IDE: variants seen among roughly 807,000 people sequenced by gnomAD.
The protein encoded by IDE is insulin degrading enzyme.
Under a neutral mutation model 133.2 loss-of-function variants are expected in IDE, and 58 were observed. That is an observed-to-expected ratio of 0.44 (90% CI 0.35 to 0.54). The LOEUF is 0.54. Ranked by LOEUF, IDE falls within the 20% of genes least tolerant of loss-of-function variation. The pLI is 0.00. For missense variants in IDE, 981 were observed against 1,234.0 expected (o/e 0.79, Z 3.07); for synonymous variants, 396 against 421.3 (o/e 0.94, Z 0.73).
chr10:92,479,193 T>TCA, intron 15 of IDE, 84 bp downstream of exon 15: 1 of 927,324 alleles, frequency 1.1e-6, no homozygotes, highest in African/African-American at 1.7e-5. Flanking sequence ...GAAATTAAAC[T>TCA]CACACCCTCA....
intron 1 of IDE, among the ~76,000 whole-genome samples, chr10:92,561,522 C>T (rs1281331049): frequency 1.3e-5 from 2 of 150,202 alleles, no homozygotes; most frequent in African/African-American, 4.9e-5. Flanking sequence ...GAGGCCGAGG[C>T]GGGCGGATCA....
At chr10:92,468,403 C>A (rs370085390) in intron 19 of IDE, among the ~76,000 whole-genome samples, 4 of 152,050 alleles carry the variant, frequency 2.6e-5, no homozygotes, top group African/African-American at 9.7e-5. Flanking sequence ...ACATTGTAAA[C>A]CCCAATATAT....
intron 1 of IDE, among the ~76,000 whole-genome samples, chr10:92,556,910 G>C (rs889959257): frequency 7.1e-6 from 1 of 140,038 alleles, no homozygotes; most frequent in Non-Finnish European, 1.5e-5. Flanking sequence ...GCTACAGAGT[G>C]AGACTCCGCC....
In IDE at chr10:92,550,604, T is replaced by C. The variant is rs571069140; in HGVS notation, c.99-13054A>G. Reference sequence around the variant, plus strand: ...AGGCGGAGCTTGCAGTGAGCAGAGATAGCGCCACTACACTCCAGCCTGGGC... The same window carrying C: ...AGGCGGAGCTTGCAGTGAGCAGAGACAGCGCCACTACACTCCAGCCTGGGC... On this transcript the variant is annotated intron_variant, in intron 1 of 24. Transcript: ENST00000265986. 8.6e-5 allele frequency among the ~76,000 whole-genome samples: 11 copies of C among 128,376 alleles called. No individual in the cohort carries two copies. The East Asian group carries it at 2.5e-3, about 29-fold the overall frequency. The allele number at this position is 128,376 out of a possible 152,430, so 84.2% of individuals were successfully genotyped here.
intron 4 of IDE, among the ~76,000 whole-genome samples, chr10:92,524,446 T>TTATATATAATATATTTTATATATTATATA (rs1564647982): frequency 1.2e-4 from 5 of 42,966 alleles, no homozygotes; most frequent in African/African-American, 5.4e-4. Flanking sequence ...TATAATATAT[T>TTATATATAATATATTTTATATATTATATA]TTATATATTA....
At chr10:92,469,107 C>T in intron 18 of IDE, 117 bp from the exon 19 acceptor site, 1 of 620,580 alleles carries the variant, frequency 1.6e-6, no homozygotes, top group East Asian at 2.8e-5. Flanking sequence ...ATATTTGATC[C>T]TATTCAAATG....
At chr10:92,502,740 G>C (rs1848092445) in intron 11 of IDE, among the ~76,000 whole-genome samples, 1 of 152,186 alleles carries the variant, frequency 6.6e-6, no homozygotes, top group African/African-American at 2.4e-5. Context: ...GAAAAGGAAA[G>C]ATTTCTTCGT....
intron 13 of IDE, among the ~76,000 whole-genome samples, chr10:92,484,969 T>C (rs113345512): frequency 0.031 from 4,729 of 151,732 alleles, 126 homozygotes; most frequent in Admixed American, 0.057. Flanking sequence ...GGTGGGTGGA[T>C]CACTTTAGCC....
chr10:92,538,685 G>T (rs1269160610), intron 1 of IDE, among the ~76,000 whole-genome samples: 1 of 151,982 alleles, frequency 6.6e-6, no homozygotes, highest in Non-Finnish European at 1.5e-5. Flanking sequence ...TGCAATTAGT[G>T]CAGTGAAGGG....
At chr10:92,541,868 C>T (rs1242802300) in intron 1 of IDE, among the ~76,000 whole-genome samples, 1 of 152,158 alleles carries the variant, frequency 6.6e-6, no homozygotes, top group Non-Finnish European at 1.5e-5. Context: ...CCATAATCTG[C>T]ATTTTAACAA....
intron 1 of IDE, among the ~76,000 whole-genome samples, chr10:92,573,496 C>T (rs1843890441): frequency 1.3e-5 from 2 of 152,224 alleles, no homozygotes; most frequent in Non-Finnish European, 2.9e-5. Context: ...AGAAGCGGTC[C>T]CCCCGAAGTC....
intron 17 of IDE, among the ~76,000 whole-genome samples, chr10:92,474,132 T>C (rs1846127619): frequency 6.6e-6 from 1 of 152,154 alleles, no homozygotes. Context: ...GGCGTAATCA[T>C]GGCTCACTGC....
intron 11 of IDE, among the ~76,000 whole-genome samples, chr10:92,493,364 C>T (rs1847479340): frequency 6.6e-6 from 1 of 151,564 alleles, no homozygotes; most frequent in Non-Finnish European, 1.5e-5. Flanking sequence ...ATGGTCTTCC[C>T]ATCTACTCTT....
At chr10:92,481,638 A>G (rs542132543) in intron 14 of IDE, among the ~76,000 whole-genome samples, 3 of 152,352 alleles carry the variant, frequency 2.0e-5, no homozygotes, top group African/African-American at 7.2e-5. Flanking sequence ...ATAGCTAACT[A>G]CACATAATAT....
At chr10:92,560,629 A>G (rs1182574079) in intron 1 of IDE, among the ~76,000 whole-genome samples, 1 of 151,946 alleles carries the variant, frequency 6.6e-6, no homozygotes, top group East Asian at 1.9e-4. Context: ...CTAAAAATAC[A>G]AAAATTAGCC....
chr10:92,559,737 A>ATT (rs67531776), intron 1 of IDE, among the ~76,000 whole-genome samples: 70 of 134,094 alleles, frequency 5.2e-4, no homozygotes, highest in African/African-American at 1.6e-3. Flanking sequence ...TGAATGGTAT[A>ATT]TTTTTTTTTT....
rs559674338 is a variant in IDE at position 92,550,813 on chromosome 10, T to A, written c.99-13263A>T. Among the ~76,000 whole-genome samples the A allele has an allele frequency of 2.0e-5, 3 of 152,240 alleles. No homozygotes were observed. The East Asian group carries it at 5.8e-4, about 29-fold the overall frequency. On this transcript the variant is annotated intron_variant, in intron 1 of 24. Coordinates refer to ENST00000265986, the MANE Select transcript of IDE (RefSeq NM_004969.4). ...TGAACCTGGAAGGCAGAGCTTGCAG[T>A]GAGCCGAGATCGTGCCATTGCACTC... is the stretch of plus-strand genomic sequence containing the variant.
chr10:92,459,230 T>C (rs959179846), intron 22 of IDE, among the ~76,000 whole-genome samples: 9 of 152,200 alleles, frequency 5.9e-5, no homozygotes, highest in African/African-American at 2.2e-4. Flanking sequence ...AATCACCATT[T>C]TCCTCAAAGA....
At chr10:92,539,134 T>C (rs112634117) in intron 1 of IDE, among the ~76,000 whole-genome samples, 11 of 152,056 alleles carry the variant, frequency 7.2e-5, no homozygotes, top group African/African-American at 1.9e-4. Context: ...TGCATAACAA[T>C]TGATAAATCA....
Sources: gnomAD v4.1 joint callset for allele counts (sites outside exome capture counted in the v4.1 genomes callset) on GRCh38, gnomAD v4.1.1 for gene constraint, MANE v1.5 for transcripts, NCBI Gene and HGNC (gene_info 2026-07-23, HGNC 2026-07-21) for gene names.